CFAP57: variants seen among roughly 807,000 people sequenced by gnomAD.
The protein encoded by CFAP57 is cilia- and flagella-associated protein 57.
A neutral mutation model predicts 146.8 loss-of-function variants in CFAP57; 116 were observed. The ratio of observed to expected loss-of-function variants is 0.79; its 90% CI spans 0.68 to 0.92. The LOEUF is 0.92. CFAP57 is among the 40% of genes least tolerant of loss of function. CFAP57 has a pLI of 0.00. For synonymous variants in CFAP57, 518 were observed against 552.8 expected, an observed-to-expected ratio of 0.94 and a Z score of 0.88; for missense variants, 1,377 against 1,527.2, an observed-to-expected ratio of 0.90 and a Z score of 1.64.
Position 43,186,809 on chromosome 1 carries a change from A to G in CFAP57, c.1072A>G (p.Ser358Gly). Residue 358 changes from serine to glycine, a missense_variant, in exon 6 of 23, where the codon AGT becomes GGT. Transcript: ENST00000372492. ...AGAGGAAACTCTGGTTGCCAGCACC[A>G]GTAAGAACCAACTCTACAGCATCAC... ...PSEETLVAST[S>G]KNQLYSITMS... 1.9e-6 allele frequency: 3 copies of G among 1,614,134 alleles called. No homozygotes were observed. Among genetic ancestry groups the G allele is most frequent in the African/African-American group, 1.3e-5 (1 of 75,036 alleles).
At chr1:43,175,934 A>G (rs932351044) in intron 2 of CFAP57, among the ~76,000 whole-genome samples, 3 of 148,438 alleles carry the variant, frequency 2.0e-5, no homozygotes, top group African/African-American at 7.5e-5. Context: ...TTTCTGCTGC[A>G]TCTAACTTAA....
chr1:43,228,657 C>T (rs1362423682), intron 18 of CFAP57, among the ~76,000 whole-genome samples: 1 of 149,226 alleles, frequency 6.7e-6, no homozygotes, highest in Non-Finnish European at 1.5e-5. Context: ...CCCCAGCTGA[C>T]CACAGACCTG....
chr1:43,221,229 G>A (rs961512954), intron 13 of CFAP57, 143 bp from the exon 14 acceptor site: 1 of 498,202 alleles, frequency 2.0e-6, no homozygotes, highest in African/African-American at 2.0e-5. Flanking sequence ...TGTGGTTGCT[G>A]CTTCATAGAA....
In CFAP57 at chr1:43,238,736, TGA is replaced by T. The variant is rs1173703299; in HGVS notation, c.3405+4101_3405+4102del. On this transcript the variant is annotated intron_variant, in intron 21 of 22. Transcript: ENST00000372492. This position sits in a 1 kb window ranked among gnomAD's most constrained non-coding sequence, Gnocchi z 4.3. ...GAGTGTCCTTGGCCATCATACTATG[TGA>T]GATATTGGAATGGAGGTGACATAAA... Among the ~76,000 whole-genome samples, 2 of 151,628 alleles carry T rather than the reference TGA, an allele frequency of 1.3e-5. No homozygotes were observed. The highest frequency in any genetic ancestry group is 2.9e-5 in the Non-Finnish European group (2 of 67,932).
Position 43,186,784 on chromosome 1 carries a change from A to G in CFAP57, c.1047A>G (p.Ser349=), listed in dbSNP as rs771033357. ...TTCTCTGCCTGTGCTTCAGCCCCTC[A>G]GAGGAAACTCTGGTTGCCAGCACCA... ...QDVLCLCFSP[S]EETLVASTSK... The change falls in exon 6 of 23, where the codon TCA becomes TCG. Residue 349 remains serine (S), a synonymous_variant. Transcript: ENST00000372492. 1.2e-5 allele frequency: 20 copies of G among 1,614,096 alleles called. No individual in the cohort carries two copies. In the African/African-American group the frequency reaches 1.6e-4, roughly 13 times the overall value.
rs1018090354 is a variant in CFAP57, at chr1:43,254,116, G to C, written c.3678G>C (p.Gly1226=). The change falls in exon 23 of 23, where the codon GGG becomes GGC. Residue 1226 remains glycine, a synonymous_variant. Coordinates refer to ENST00000372492, the MANE Select transcript of CFAP57 (RefSeq NM_001378189.1). ...DQIQEQEQVT[G]FHTLAGVRLP... Reference sequence around the variant, plus strand: ...TCCAAGAGCAAGAGCAGGTCACAGGGTTCCACACCCTCGCTGGAGTTCGGC... The same window carrying C: ...TCCAAGAGCAAGAGCAGGTCACAGGCTTCCACACCCTCGCTGGAGTTCGGC... The C allele has an allele frequency of 1.3e-6, 2 of 1,550,636 alleles. No homozygotes were observed. The highest frequency in any genetic ancestry group is 2.7e-5 in the African/African-American group (2 of 73,034).
Position 43,238,887 on chromosome 1 carries a change from A to G in CFAP57, c.3405+4249A>G, listed in dbSNP as rs979942052. ...GAGATACGGCCTCAGTTTCCTCACAAGGTTGGTGTAAGGATGAACTGAGGG... is the reference window on the plus strand; with the variant it reads ...GAGATACGGCCTCAGTTTCCTCACAGGGTTGGTGTAAGGATGAACTGAGGG... On this transcript the variant is annotated intron_variant, in intron 21 of 22. Coordinates refer to ENST00000372492, the MANE Select transcript of CFAP57 (RefSeq NM_001378189.1). The surrounding 1 kb of genome is among the most constrained non-coding windows in gnomAD (Gnocchi z 4.3). Among the ~76,000 whole-genome samples the G allele has an allele frequency of 1.3e-5, 2 of 152,080 alleles. No homozygotes were observed. Among genetic ancestry groups the G allele is most frequent in the Non-Finnish European group, 2.9e-5 (2 of 68,008 alleles).
intron 6 of CFAP57, among the ~76,000 whole-genome samples, chr1:43,190,869 T>A (rs906933348): frequency 2.6e-5 from 4 of 152,178 alleles, no homozygotes; most frequent in Admixed American, 2.6e-4. Flanking sequence ...CATATTAGTA[T>A]ATTCAATTTA....
chr1:43,202,874 A>T (rs1484098463), intron 9 of CFAP57, among the ~76,000 whole-genome samples: 2 of 151,726 alleles, frequency 1.3e-5, no homozygotes, highest in South Asian at 4.2e-4. Context: ...ACAAATTCCT[A>T]TAAAAATTGA....
At chr1:43,175,410 T>A (rs1022183288) in intron 2 of CFAP57, among the ~76,000 whole-genome samples, 2 of 152,102 alleles carry the variant, frequency 1.3e-5, no homozygotes, top group African/African-American at 4.8e-5. Context: ...TATTTGAGAT[T>A]CCTGGATCTA....
chr1:43,183,086 A>T (rs539690576), intron 3 of CFAP57, among the ~76,000 whole-genome samples: 2 of 152,302 alleles, frequency 1.3e-5, no homozygotes, highest in South Asian at 4.1e-4. Flanking sequence ...GGCTTTGCCC[A>T]TTTTCAACTT....
chr1:43,210,050 A>G (rs765427572), intron 11 of CFAP57, 134 bp downstream of exon 11: 6 of 1,613,940 alleles, frequency 3.7e-6, no homozygotes, highest in Non-Finnish European at 4.2e-6. Context: ...TCATTGAATC[A>G]CCATCTATTG....
Position 43,198,669 on chromosome 1 carries a change from C to T in CFAP57, c.1428+23C>T, listed in dbSNP as rs574199747. On this transcript the variant is annotated intron_variant, in intron 8 of 22. Transcript: ENST00000372492. ...GAGGTAAAAAAAAAACTGCTGAAGA[C>T]AAAAGTCCAGTTTCTTAGAAAGCCA... 6.5e-5 allele frequency: 105 copies of T among 1,612,326 alleles called. No homozygotes were observed. The South Asian group carries it at 1.0e-3, about 16-fold the overall frequency.
At position 43,183,765 on chromosome 1, in the gene CFAP57, A is replaced by C. The variant is rs143847160; in HGVS notation, c.649A>C (p.Thr217Pro). ...ADDKIVVGTDTGKLFLFESGD... is the reference protein window; with the variant it reads ...ADDKIVVGTDPGKLFLFESGD... Reference sequence around the variant, plus strand: ...TGACAAGATTGTCGTTGGCACTGACACAGGCAAACTCTTCCTCTTTGAATC... The same window carrying C: ...TGACAAGATTGTCGTTGGCACTGACCCAGGCAAACTCTTCCTCTTTGAATC... Residue 217 changes from threonine (T) to proline (P), a missense_variant, in exon 4 of 23, where the codon ACA becomes CCA. By Grantham distance (38) the Thr-to-Pro change is conservative. Transcript: ENST00000372492. 5.0e-6 allele frequency: 8 copies of C among 1,614,106 alleles called. No homozygotes were observed. The highest frequency in any genetic ancestry group is 6.8e-6 in the Non-Finnish European group (8 of 1,180,044).
At chr1:43,172,666 C>G in intron 1 of CFAP57, 69 bp from the exon 2 acceptor site, 1 of 1,523,308 alleles carries the variant, frequency 6.6e-7, no homozygotes, top group Admixed American at 1.7e-5. Context: ...GAGGGCGAGT[C>G]CGGGCCGGGG....
chr1:43,241,426 G>A (rs1204811263), intron 21 of CFAP57, among the ~76,000 whole-genome samples: 1 of 151,998 alleles, frequency 6.6e-6, no homozygotes, highest in African/African-American at 2.4e-5. Context: ...TCATTGCGGT[G>A]TCTCTAGCCC....
At chr1:43,220,511 A>G (rs1645002172) in intron 13 of CFAP57, among the ~76,000 whole-genome samples, 1 of 152,180 alleles carries the variant, frequency 6.6e-6, no homozygotes, top group Non-Finnish European at 1.5e-5. Context: ...GATCGCTTGT[A>G]TCCGAGAGCT....
chr1:43,232,085 G>A, intron 18 of CFAP57: 1 of 701,488 alleles, frequency 1.4e-6, no homozygotes. Flanking sequence ...ATTCTAAAGT[G>A]GCCCCAGAGG....
chr1:43,195,947 G>A (rs1643852193), intron 6 of CFAP57, among the ~76,000 whole-genome samples: 1 of 152,128 alleles, frequency 6.6e-6, no homozygotes, highest in Admixed American at 6.6e-5. Flanking sequence ...CTGCTTCTGA[G>A]ATACAAAATG....
Sources: allele counts gnomAD v4.1 joint callset (sites outside exome capture counted in the v4.1 genomes callset), GRCh38; gene constraint gnomAD v4.1.1; non-coding constraint Gnocchi (gnomAD v3.1); transcripts MANE v1.5; gene names NCBI Gene and HGNC (gene_info 2026-07-23, HGNC 2026-07-21).